The following PRDM16 variants were observed in gnomAD, a reference collection of about 807,000 sequenced individuals.
PRDM16 encodes histone-lysine N-methyltransferase PRDM16.
Under a neutral mutation model 110.6 loss-of-function variants are expected in PRDM16, and 23 were observed. The ratio of observed to expected loss-of-function variants is 0.21; its 90% CI spans 0.15 to 0.29. PRDM16 has a LOEUF of 0.29. PRDM16 is among the 10% of genes least tolerant of loss of function. The probability of loss-of-function intolerance (pLI) is 1.00; values close to 1 mark genes in which losing one functional copy is unlikely to be tolerated. For missense variants in PRDM16, 1,615 were observed against 1,794.3 expected (o/e 0.90, Z 1.81); for synonymous variants, 799 against 781.8 (o/e 1.02, Z -0.37).
intron 8 of PRDM16, among the ~76,000 whole-genome samples, chr1:3,409,995 G>GT (rs1310716118): frequency 1.5e-5 from 2 of 132,798 alleles, no homozygotes; most frequent in African/African-American, 5.7e-5. Context: ...GGGGGGGTGT[G>GT]GGGGGTGTGC....
At chr1:3,428,421 C>T (rs1461205671) in intron 14 of PRDM16, among the ~76,000 whole-genome samples, 1 of 152,196 alleles carries the variant, frequency 6.6e-6, no homozygotes, top group Non-Finnish European at 1.5e-5. Context: ...CTGCTTCTCA[C>T]AGCCCTAGGG....
intron 1 of PRDM16, among the ~76,000 whole-genome samples, chr1:3,070,940 C>CT (rs1641741630): frequency 1.3e-5 from 2 of 152,364 alleles, no homozygotes; most frequent in South Asian, 2.1e-4. Context: ...TCTGACCCCT[C>CT]TTGGTGCGAA....
At position 3,080,112 on chromosome 1, in the gene PRDM16, C is replaced by T. The variant is rs1557430897; in HGVS notation, c.37+10816C>T. Among the ~76,000 whole-genome samples the T allele has an allele frequency of 6.6e-6, 1 of 152,214 alleles. No individual in the cohort carries two copies. The highest frequency in any genetic ancestry group is 2.4e-5 in the African/African-American group (1 of 41,448). On this transcript the variant is annotated intron_variant, in intron 1 of 16. Coordinates refer to ENST00000270722, the MANE Select transcript of PRDM16 (RefSeq NM_022114.4). The surrounding 1 kb of genome is among the most constrained non-coding windows in gnomAD (Gnocchi z 5.2). ...GCACGCTGTAACCCCTGAGAAGAAA[C>T]AAAGAGGAAACGAGGCTGTTTAGAT...
chr1:3,231,741 G>C lies in PRDM16; in HGVS notation c.388-12346G>C, dbSNP rs1639420917. ...GCAAGGCTGGGCAGTCCCTGGACTT[G>C]GTATGGCCTGGAAATGCAGACGTGG... On this transcript the variant is annotated intron_variant, in intron 2 of 16. Coordinates refer to ENST00000270722, the MANE Select transcript of PRDM16 (RefSeq NM_022114.4). 2.6e-5 allele frequency among the ~76,000 whole-genome samples: 4 copies of C among 152,200 alleles called. No homozygotes were observed. In the South Asian group the frequency reaches 8.3e-4, roughly 31 times the overall value.
rs1638760017 is a variant in PRDM16, at chr1:3,206,652, G to A, written c.387+20178G>A. On this transcript the variant is annotated intron_variant, in intron 2 of 16. Coordinates refer to ENST00000270722, the MANE Select transcript of PRDM16 (RefSeq NM_022114.4). This position sits in a 1 kb window ranked among gnomAD's most constrained non-coding sequence, Gnocchi z 4.9. ...CCTGTAGGAACCCGTGGCCTAGGGT[G>A]AGCTGGGTCTGAGGCTTTGGGACCC... 3 of 152,412 alleles carry A rather than the reference G, an allele frequency of 2.0e-5. No individual in the cohort carries two copies. Among genetic ancestry groups the A allele is most frequent in the Admixed American group, 2.0e-4 (3 of 15,302 alleles). 9.4% of individuals were successfully genotyped at this position (152,412 alleles called of 1,614,324 possible).
chr1:3,188,198 T>A (rs1158367455), intron 2 of PRDM16, among the ~76,000 whole-genome samples: 2 of 152,184 alleles, frequency 1.3e-5, no homozygotes, highest in African/African-American at 2.4e-5. Context: ...CCTCCCTGCC[T>A]GGTGTGTGGG....
At chr1:3,285,121 C>T (rs1640816767) in intron 3 of PRDM16, among the ~76,000 whole-genome samples, 1 of 152,214 alleles carries the variant, frequency 6.6e-6, no homozygotes, top group African/African-American at 2.4e-5. Flanking sequence ...CCAGCATTTC[C>T]TGCTGAGAGT....
Position 3,412,782 on chromosome 1 carries a change from TCATGGACCC to T in PRDM16, c.2589_2597del (p.Met863_Pro865del). On this transcript the variant is annotated inframe_deletion, in exon 9 of 17. Transcript: ENST00000270722. ...CACTACGCCAAGCCCTCGCCCTTCT[TCATGGACCC>T]CATCTACAGGTATTCAGCACCCCAG... 1 of 1,474,272 alleles carries T rather than the reference TCATGGACCC, an allele frequency of 6.8e-7. No individual in the cohort carries two copies. The highest frequency in any genetic ancestry group is 9.0e-7 in the Non-Finnish European group (1 of 1,112,488). The allele number at this position is 1,474,272 out of a possible 1,614,324, so 91.3% of individuals were successfully genotyped here.
intron 1 of PRDM16, among the ~76,000 whole-genome samples, chr1:3,162,276 G>A (rs1018128740): frequency 1.3e-5 from 2 of 151,936 alleles, no homozygotes; most frequent in African/African-American, 2.4e-5. Flanking sequence ...CCCTCCTCCC[G>A]AGTCCCGGGA....
intron 3 of PRDM16, among the ~76,000 whole-genome samples, chr1:3,384,639 C>T (rs6684411): frequency 0.03 from 4,571 of 152,316 alleles, 255 homozygotes; most frequent in African/African-American, 0.1. Flanking sequence ...CTGAAACTCT[C>T]CAGCTTTAAG....
chr1:3,195,915 C>T (rs1360913029), intron 2 of PRDM16, among the ~76,000 whole-genome samples: 3 of 152,332 alleles, frequency 2.0e-5, no homozygotes, highest in South Asian at 4.1e-4. Flanking sequence ...GGGCACCTGC[C>T]GTGTGCCCTG....
intron 3 of PRDM16, among the ~76,000 whole-genome samples, chr1:3,305,618 T>A (rs1051578758): frequency 6.6e-6 from 1 of 152,228 alleles, no homozygotes; most frequent in Non-Finnish European, 1.5e-5. Context: ...GGAGTCAACA[T>A]AGCTGAATGC....
rs1255503188 is a variant in PRDM16, at chr1:3,358,699, C to A, written c.439-26453C>A. Among the ~76,000 whole-genome samples the A allele has an allele frequency of 6.6e-6, 1 of 152,152 alleles. No individual in the cohort carries two copies. Among genetic ancestry groups the A allele is most frequent in the East Asian group, 1.9e-4 (1 of 5,190 alleles). On this transcript the variant is annotated intron_variant, in intron 3 of 16. Transcript: ENST00000270722. This position sits in a 1 kb window ranked among gnomAD's most constrained non-coding sequence, Gnocchi z 4.0. ...GCAGGCCGGCTGGGGCTCCCGTGAA[C>A]AAATATCGCCACGTGTGCGCGATCA...
At chr1:3,214,704 AT>A (rs1273606190) in intron 2 of PRDM16, among the ~76,000 whole-genome samples, 1 of 152,218 alleles carries the variant, frequency 6.6e-6, no homozygotes, top group Non-Finnish European at 1.5e-5. Context: ...CTAAGTTAGT[AT>A]CATCCTCAGA....
intron 15 of PRDM16, among the ~76,000 whole-genome samples, chr1:3,431,616 GCC>G (rs201925918): frequency 0.086 from 13,081 of 152,236 alleles, 623 homozygotes; most frequent in Middle Eastern, 0.11. Context: ...CCTGGATGCT[GCC>G]CCTGAGTCCT....
chr1:3,336,585 C>T (rs571206264), intron 3 of PRDM16, among the ~76,000 whole-genome samples: 62 of 139,246 alleles, frequency 4.5e-4, no homozygotes, highest in Non-Finnish European at 2.0e-4. Flanking sequence ...AGTCTGAGTG[C>T]ATGCATGCAC....
At chr1:3,124,302 A>G (rs562447667) in intron 1 of PRDM16, among the ~76,000 whole-genome samples, 58 of 152,324 alleles carry the variant, frequency 3.8e-4, no homozygotes, top group African/African-American at 1.4e-3. Flanking sequence ...CAAGGAAAAG[A>G]GGGAGAGAGA....
At chr1:3,183,130 T>C (rs146505124) in intron 1 of PRDM16, among the ~76,000 whole-genome samples, 90 of 152,310 alleles carry the variant, frequency 5.9e-4, no homozygotes, top group African/African-American at 2.0e-3. Flanking sequence ...CACACTGACC[T>C]GTGAGAGAGT....
chr1:3,125,551 G>A lies in PRDM16; in HGVS notation c.37+56255G>A, dbSNP rs553040222. Among the ~76,000 whole-genome samples the A allele has an allele frequency of 5.1e-4, 77 of 152,260 alleles. 1 individual carries two copies. Among genetic ancestry groups the A allele is most frequent in the Non-Finnish European group, 5.0e-4 (34 of 68,040 alleles). On this transcript the variant is annotated intron_variant, in intron 1 of 16. Coordinates refer to ENST00000270722, the MANE Select transcript of PRDM16 (RefSeq NM_022114.4). Reference sequence around the variant, plus strand: ...TGAAGCACAGGCCTCTGGGGGGACCGGCCCTGCCTGGCGCTCGCCAAGGCT... The same window carrying A: ...TGAAGCACAGGCCTCTGGGGGGACCAGCCCTGCCTGGCGCTCGCCAAGGCT...
Sources: allele counts gnomAD v4.1 joint callset (sites outside exome capture counted in the v4.1 genomes callset), GRCh38; gene constraint gnomAD v4.1.1; non-coding constraint Gnocchi (gnomAD v3.1); transcripts MANE v1.5; gene names NCBI Gene and HGNC (gene_info 2026-07-23, HGNC 2026-07-21).